The following AGO2 variants were observed in gnomAD, a reference collection of about 807,000 sequenced individuals.
AGO2 encodes protein argonaute-2.
Under a neutral mutation model 102.3 loss-of-function variants are expected in AGO2, and 5 were observed. That is an observed-to-expected ratio of 0.05 (90% confidence interval 0.03 to 0.10). The LOEUF is 0.10. Ranked by LOEUF, AGO2 falls within the 10% of genes least tolerant of loss-of-function variation. AGO2 has a pLI of 1.00. For missense variants in AGO2, 541 were observed against 1,183.7 expected, an observed-to-expected ratio of 0.46 and a Z score of 7.97; for synonymous variants, 449 against 473.1, an observed-to-expected ratio of 0.95 and a Z score of 0.66.
intron 1 of AGO2, among the ~76,000 whole-genome samples, chr8:140,627,690 C>T (rs1042847379): frequency 6.6e-6 from 1 of 152,192 alleles, no homozygotes; most frequent in Non-Finnish European, 1.5e-5. Context: ...GGCCGATTTG[C>T]ATTGCATTTA....
At chr8:140,562,429 C>T in intron 4 of AGO2, 24 bp downstream of exon 4, 5 of 1,598,154 alleles carry the variant, frequency 3.1e-6, no homozygotes, top group Non-Finnish European at 4.3e-6. Context: ...GTCCCCCGCC[C>T]TTGGTCCCGT....
At chr8:140,552,672 G>A (rs970777493) in intron 10 of AGO2, among the ~76,000 whole-genome samples, 1 of 152,076 alleles carries the variant, frequency 6.6e-6, no homozygotes, top group South Asian at 2.1e-4. Flanking sequence ...CAGACAGGGA[G>A]TGCACACACA....
chr8:140,563,053 C>T (rs554940958), intron 3 of AGO2, among the ~76,000 whole-genome samples: 57 of 152,330 alleles, frequency 3.7e-4, no homozygotes, highest in Non-Finnish European at 7.1e-4. Context: ...ACAGTTGAAT[C>T]GCGATCTGGC....
intron 1 of AGO2, among the ~76,000 whole-genome samples, chr8:140,628,167 C>T (rs774183122): frequency 6.6e-5 from 10 of 152,254 alleles, no homozygotes; most frequent in African/African-American, 1.7e-4. Flanking sequence ...CCTGCTCCCC[C>T]GGCCGCAGCG....
At chr8:140,547,770 T>G in intron 12 of AGO2, 143 bp from the exon 13 acceptor site, 1 of 1,223,090 alleles carries the variant, frequency 8.2e-7, no homozygotes, top group Non-Finnish European at 1.1e-6. Context: ...TGTCCCCCTC[T>G]GTCCGAGGTC....
intron 1 of AGO2, among the ~76,000 whole-genome samples, chr8:140,626,007 A>G (rs1344247599): frequency 6.6e-6 from 1 of 152,238 alleles, no homozygotes; most frequent in African/African-American, 2.4e-5. Flanking sequence ...AGGTGCGCCC[A>G]GCAAGGCCCC....
intron 4 of AGO2, 73 bp downstream of exon 4, chr8:140,562,380 A>C: frequency 6.5e-7 from 1 of 1,528,670 alleles, no homozygotes. Context: ...CCTCGGACAG[A>C]TTTCAGACCC....
chr8:140,585,340 C>T (rs766129860), intron 1 of AGO2, 29 bp from the exon 2 acceptor site: 30 of 1,607,604 alleles, frequency 1.9e-5, no homozygotes, highest in Middle Eastern at 1.9e-4. Flanking sequence ...CACCCATTAA[C>T]GGGGGAGCAG....
rs1405563573 is a variant in AGO2 at position 140,605,738 on chromosome 8, A to G, written c.23-20427T>C. On this transcript the variant is annotated intron_variant, in intron 1 of 18. Transcript: ENST00000220592. ...TTGGACAAGAAAAGGAATGATGACA[A>G]GTGGCTGATGAAGCTAAATTAAGGG... 3 of 152,274 alleles carry G rather than the reference A, an allele frequency of 2.0e-5. No homozygotes were observed. The East Asian group carries it at 5.8e-4, about 29-fold the overall frequency. 9.4% of individuals were successfully genotyped at this position (152,274 alleles called of 1,614,324 possible). A position where few individuals can be genotyped will look rare whatever the true frequency, so the allele number is the denominator to read the frequency against.
At chr8:140,583,075 A>G (rs889751500) in intron 2 of AGO2, among the ~76,000 whole-genome samples, 1 of 152,226 alleles carries the variant, frequency 6.6e-6, no homozygotes, top group South Asian at 2.1e-4. Flanking sequence ...CACAGACAGA[A>G]AAAAAGGAGA....
chr8:140,626,069 G>A (rs1049551437), intron 1 of AGO2, among the ~76,000 whole-genome samples: 4 of 152,190 alleles, frequency 2.6e-5, no homozygotes, highest in South Asian at 2.1e-4. Context: ...AAAGCCATGG[G>A]CAGCACGTGG....
chr8:140,580,411 C>A (rs80002913), intron 2 of AGO2, among the ~76,000 whole-genome samples: 4 of 152,218 alleles, frequency 2.6e-5, no homozygotes, highest in East Asian at 1.9e-4. Context: ...TGGGAACTCA[C>A]GACTAAGACG....
intron 1 of AGO2, among the ~76,000 whole-genome samples, chr8:140,594,678 G>A (rs1055199195): frequency 1.3e-5 from 2 of 152,130 alleles, no homozygotes; most frequent in African/African-American, 4.8e-5. Flanking sequence ...ATGGTGGCAT[G>A]CCTCTGTAGT....
At chr8:140,597,681 G>A (rs2073869017) in intron 1 of AGO2, among the ~76,000 whole-genome samples, 1 of 150,792 alleles carries the variant, frequency 6.6e-6, no homozygotes, top group South Asian at 2.1e-4. Flanking sequence ...CTAATTTTAA[G>A]AGAAAAGGAA....
intron 3 of AGO2, among the ~76,000 whole-genome samples, chr8:140,571,715 G>C (rs941185848): frequency 1.3e-5 from 2 of 152,204 alleles, no homozygotes; most frequent in African/African-American, 4.8e-5. Flanking sequence ...CCTGGTTTCT[G>C]ATGTGTTTGC....
chr8:140,537,976 G>A (rs1422719905), intron 16 of AGO2, among the ~76,000 whole-genome samples: 1 of 151,958 alleles, frequency 6.6e-6, no homozygotes, highest in South Asian at 2.1e-4. Flanking sequence ...CCGCCACCAC[G>A]CCTGGGTAAT....
intron 3 of AGO2, chr8:140,572,506 G>A (rs2073394259): frequency 4.2e-6 from 1 of 237,908 alleles, no homozygotes; most frequent in Non-Finnish European, 8.1e-6. Flanking sequence ...CTTACTCTAA[G>A]CTCTTGTCTG....
At chr8:140,609,129 C>G (rs1488784667) in intron 1 of AGO2, among the ~76,000 whole-genome samples, 1 of 152,252 alleles carries the variant, frequency 6.6e-6, no homozygotes. Flanking sequence ...CCCTGGGGGC[C>G]ACGGGCTTGT....
chr8:140,605,877 TG>T (rs978461598), intron 1 of AGO2: 5 of 152,154 alleles, frequency 3.3e-5, no homozygotes, highest in African/African-American at 1.2e-4. Context: ...AATTGCCCGG[TG>T]GGATGAAGCT....
Sources: allele counts gnomAD v4.1 joint callset (sites outside exome capture counted in the v4.1 genomes callset), GRCh38; gene constraint gnomAD v4.1.1; transcripts MANE v1.5; gene names NCBI Gene and HGNC (gene_info 2026-07-23, HGNC 2026-07-21).